MAGI2: variants seen among roughly 807,000 people sequenced by gnomAD.
MAGI2 encodes the protein membrane-associated guanylate kinase, WW and PDZ domain-containing protein 2.
A neutral mutation model predicts 133.3 loss-of-function variants in MAGI2; 35 were observed. The ratio of observed to expected loss-of-function variants is 0.26; its 90% confidence interval spans 0.20 to 0.35. MAGI2 has a LOEUF of 0.35. Ranked by LOEUF, MAGI2 falls within the 10% of genes least tolerant of loss-of-function variation. The pLI, the probability that MAGI2 is intolerant of heterozygous loss-of-function variation, is 1.00. For missense variants in MAGI2, 1,636 were observed against 1,863.4 expected (o/e 0.88, Z 2.25); for synonymous variants, 729 against 710.6 (o/e 1.03, Z -0.41).
intron 4 of MAGI2, among the ~76,000 whole-genome samples, chr7:78,504,107 A>G (rs1794880845): frequency 6.6e-6 from 1 of 152,192 alleles, no homozygotes; most frequent in Admixed American, 6.5e-5. Flanking sequence ...AAGACCTAGT[A>G]AGACCATGGG....
intron 2 of MAGI2, among the ~76,000 whole-genome samples, chr7:78,873,902 T>A (rs189805618): frequency 5.7e-4 from 87 of 151,940 alleles, no homozygotes; most frequent in Non-Finnish European, 1.0e-4. Flanking sequence ...ATGGTCACAA[T>A]GATGTAGAAA....
At chr7:78,151,480 C>T (rs180883699) in intron 16 of MAGI2, among the ~76,000 whole-genome samples, 54 of 152,242 alleles carry the variant, frequency 3.5e-4, no homozygotes, top group Admixed American at 2.0e-3. Flanking sequence ...CACATTAAGG[C>T]CACTGCCTGG....
intron 7 of MAGI2, chr7:78,351,868 C>T (rs1022380052): frequency 6.6e-6 from 1 of 152,128 alleles, no homozygotes; most frequent in Non-Finnish European, 1.5e-5. Flanking sequence ...TCTTCTGGAG[C>T]CAACCCTCTT....
At chr7:78,681,838 G>C (rs1585069240) in intron 2 of MAGI2, among the ~76,000 whole-genome samples, 1 of 152,126 alleles carries the variant, frequency 6.6e-6, no homozygotes, top group African/African-American at 2.4e-5. Flanking sequence ...TTGCATAAAT[G>C]TGTTTCTCAT....
chr7:78,573,282 ATTTATATAAATATATAT>A (rs1801841950), intron 3 of MAGI2, among the ~76,000 whole-genome samples: 1 of 47,144 alleles, frequency 2.1e-5, no homozygotes, highest in African/African-American at 1.3e-4. Context: ...AAATATATAT[ATTTATATAAATATATAT>A]ATTTATATAT....
chr7:78,994,928 C>T (rs1380823232), intron 2 of MAGI2, among the ~76,000 whole-genome samples: 1 of 152,006 alleles, frequency 6.6e-6, no homozygotes, highest in Non-Finnish European at 1.5e-5. Flanking sequence ...CTCTTATGAA[C>T]ACCTATTTAT....
chr7:78,965,087 A>G (rs775442572), intron 2 of MAGI2, among the ~76,000 whole-genome samples: 4 of 151,528 alleles, frequency 2.6e-5, no homozygotes, highest in Non-Finnish European at 5.9e-5. Context: ...TTAATATATT[A>G]ACTAATATAA....
chr7:79,141,210 T>G (rs1183731518), intron 1 of MAGI2, among the ~76,000 whole-genome samples: 1 of 152,212 alleles, frequency 6.6e-6, no homozygotes, highest in East Asian at 1.9e-4. Context: ...TCCTTCCTTT[T>G]CCTGTCTTGT....
At chr7:78,595,523 A>G (rs1804500261) in intron 3 of MAGI2, among the ~76,000 whole-genome samples, 1 of 152,194 alleles carries the variant, frequency 6.6e-6, no homozygotes, top group South Asian at 2.1e-4. Flanking sequence ...AGTTTCAGAG[A>G]TATTATGATC....
chr7:78,253,337 A>G (rs921708615), intron 10 of MAGI2: 3 of 152,220 alleles, frequency 2.0e-5, no homozygotes, highest in Non-Finnish European at 4.4e-5. Flanking sequence ...TTATGAAAAA[A>G]TTATAGAAAG....
intron 1 of MAGI2, among the ~76,000 whole-genome samples, chr7:79,297,386 C>G (rs1164606615): frequency 6.6e-6 from 1 of 152,176 alleles, no homozygotes; most frequent in African/African-American, 2.4e-5. Flanking sequence ...CCTTGCATTT[C>G]CATCCTAGTA....
chr7:79,017,171 T>C (rs1336306665), intron 1 of MAGI2, among the ~76,000 whole-genome samples: 1 of 152,208 alleles, frequency 6.6e-6, no homozygotes, highest in Non-Finnish European at 1.5e-5. Flanking sequence ...GTGCTGAGGC[T>C]GGCACCACCC....
chr7:78,190,490 G>A (rs941052892), intron 12 of MAGI2, among the ~76,000 whole-genome samples: 2 of 152,170 alleles, frequency 1.3e-5, no homozygotes, highest in African/African-American at 4.8e-5. Flanking sequence ...AATGATGAGA[G>A]TCTAGGGTGG....
chr7:78,188,371 C>G (rs1188855359), intron 12 of MAGI2, among the ~76,000 whole-genome samples: 1 of 152,082 alleles, frequency 6.6e-6, no homozygotes, highest in African/African-American at 2.4e-5. Context: ...GAAAATCCAG[C>G]TGAAAGGCAA....
chr7:78,390,929 C>T (rs1280072326), intron 6 of MAGI2, among the ~76,000 whole-genome samples: 2 of 152,058 alleles, frequency 1.3e-5, no homozygotes, highest in African/African-American at 4.8e-5. Context: ...CTAACTTTTC[C>T]AATGTCATAA....
intron 2 of MAGI2, among the ~76,000 whole-genome samples, chr7:78,978,573 A>T (rs1336951017): frequency 6.6e-6 from 1 of 151,914 alleles, no homozygotes; most frequent in Non-Finnish European, 1.5e-5. Flanking sequence ...TAATGGTGGT[A>T]CATGATATGA....
intron 3 of MAGI2, among the ~76,000 whole-genome samples, chr7:78,534,529 G>A (rs1357779743): frequency 6.6e-6 from 1 of 152,188 alleles, no homozygotes; most frequent in Non-Finnish European, 1.5e-5. Context: ...TCTAAAATTA[G>A]CAACATTTCT....
At chr7:78,915,738 A>G (rs1391775909) in intron 2 of MAGI2, among the ~76,000 whole-genome samples, 2 of 151,756 alleles carry the variant, frequency 1.3e-5, no homozygotes, top group Non-Finnish European at 2.9e-5. Context: ...TTTTAAGAAG[A>G]AGAGTACACT....
rs557012391 is a variant in MAGI2, at chr7:78,511,886, G to A, written c.754+9544C>T. ...CGAGGTGGGTGGATCACAAAGTCAG[G>A]AGATCGAGACCAGACTGGCTAACAC... On this transcript the variant is annotated intron_variant, in intron 4 of 21. Transcript: ENST00000354212. Among the ~76,000 whole-genome samples, 12 of 151,488 alleles carry A rather than the reference G, an allele frequency of 7.9e-5. No homozygotes were observed. In the South Asian group the frequency reaches 1.2e-3, roughly 16 times the overall value.
Sources: allele counts gnomAD v4.1 joint callset (sites outside exome capture counted in the v4.1 genomes callset), GRCh38; gene constraint gnomAD v4.1.1; transcripts MANE v1.5; gene names NCBI Gene and HGNC (gene_info 2026-07-23, HGNC 2026-07-21).